The following RPL26L1 variants were observed in gnomAD, a reference collection of about 807,000 sequenced individuals.
RPL26L1 encodes the protein ribosomal protein uL24-like.
Under a neutral mutation model 15.2 loss-of-function variants are expected in RPL26L1, and 8 were observed. The ratio of observed to expected loss-of-function variants is 0.53; its 90% CI spans 0.31 to 0.95. The LOEUF is 0.95. Among genes scored for constraint, RPL26L1 ranks in the 40% least tolerant of loss-of-function variants. RPL26L1 has a pLI of 0.05. For synonymous variants in RPL26L1, 51 were observed against 65.9 expected (o/e 0.77, Z 1.09); for missense variants, 146 against 190.9 (o/e 0.76, Z 1.39).
At chr5:172,955,984 G>A (rs1241757891), upstream of RPL26L1, 3 of 152,360 alleles carry the variant, frequency 2.0e-5, no homozygotes, top group East Asian at 5.8e-4. Context: ...GGGGTGGTCA[G>A]AGCAGGAGGT....
At chr5:172,960,106 A>C in intron 2 of RPL26L1, 65 bp downstream of exon 2, 3 of 1,580,006 alleles carry the variant, frequency 1.9e-6, no homozygotes, top group Non-Finnish European at 2.6e-6. Flanking sequence ...TGCGTGGAGC[A>C]GTCACAGACT....
At chr5:172,958,704 G>A, upstream of RPL26L1, 1 of 243,746 alleles carries the variant, frequency 4.1e-6, no homozygotes, top group Non-Finnish European at 8.8e-6. Flanking sequence ...TGGCGCCCGG[G>A]CCTCCAGGCA....
chr5:172,956,459 G>A (rs1230224375), upstream of RPL26L1, among the ~76,000 whole-genome samples: 1 of 152,152 alleles, frequency 6.6e-6, no homozygotes. Flanking sequence ...CTGTAAAAGG[G>A]ACAATTCATA....
upstream of RPL26L1, among the ~76,000 whole-genome samples, chr5:172,956,209 A>G (rs1448484083): frequency 6.6e-6 from 1 of 152,244 alleles, no homozygotes; most frequent in Non-Finnish European, 1.5e-5. Context: ...CCCACTAATC[A>G]GAGATGATCA....
intron 1 of RPL26L1, 84 bp downstream of exon 1, chr5:172,959,552 AC>A (rs1030024384): frequency 1.7e-5 from 19 of 1,143,244 alleles, no homozygotes; most frequent in Non-Finnish European, 2.1e-5. Context: ...AACACATGTC[AC>A]CCCACAGCTC....
rs1329848865 is a variant in RPL26L1, at chr5:172,959,505, C to T, written c.-10+37C>T. 4.7e-6 allele frequency: 5 copies of T among 1,074,420 alleles called. No individual in the cohort carries two copies. The African/African-American group carries it at 6.5e-5, about 14-fold the overall frequency. 66.6% of individuals were successfully genotyped at this position (1,074,420 alleles called of 1,614,324 possible). On this transcript the variant is annotated intron_variant, in intron 1 of 3. Coordinates refer to ENST00000265100, the MANE Select transcript of RPL26L1 (RefSeq NM_016093.4). Reference sequence around the variant, plus strand: ...CTGGAGTTTTCTCGGACAGTGAACTCTACCGCCCCGTGAGACCCTGCCCTA... The same window carrying T: ...CTGGAGTTTTCTCGGACAGTGAACTTTACCGCCCCGTGAGACCCTGCCCTA...
At chr5:172,964,335 G>GAGTGC (rs1259805253) in intron 2 of RPL26L1, among the ~76,000 whole-genome samples, 37 of 132,526 alleles carry the variant, frequency 2.8e-4, no homozygotes, top group Non-Finnish European at 4.8e-4. Flanking sequence ...GCCCAGGCTG[G>GAGTGC]AGTGCAGTGG....
intron 2 of RPL26L1, among the ~76,000 whole-genome samples, chr5:172,966,921 T>C (rs957159737): frequency 4.0e-5 from 6 of 149,954 alleles, no homozygotes; most frequent in African/African-American, 1.2e-4. Context: ...AGTGGCACCA[T>C]CTCAGCTCAC....
chr5:172,956,327 T>C (rs796089258), upstream of RPL26L1, among the ~76,000 whole-genome samples: 3 of 152,316 alleles, frequency 2.0e-5, no homozygotes, highest in African/African-American at 7.2e-5. Flanking sequence ...CCTAGATTAA[T>C]AAATACGGAT....
chr5:172,954,963 C>G (rs564561343), upstream of RPL26L1: 24 of 435,586 alleles, frequency 5.5e-5, no homozygotes, highest in African/African-American at 5.3e-4. Flanking sequence ...AAATGGCTTC[C>G]CTGGGAAGTT....
Position 172,960,020 on chromosome 5 carries a change from C to T in RPL26L1, c.147C>T (p.Ile49=). ...RQKYNVRSMP[I]RKDDEVQVVR... is the part of the protein sequence containing the mutation. ...AGTACAATGTCCGCTCCATGCCCAT[C>T]CGCAAGGACGACGAGGTCCAGGTAC... Residue 49 remains isoleucine, a synonymous_variant, in exon 2 of 4, where the codon ATC becomes ATT. Coordinates refer to ENST00000265100, the MANE Select transcript of RPL26L1 (RefSeq NM_016093.4). The T allele has an allele frequency of 6.2e-7, 1 of 1,614,164 alleles. No homozygotes were observed. The highest frequency in any genetic ancestry group is 8.5e-7 in the Non-Finnish European group (1 of 1,180,014).
chr5:172,967,671 TCCTG>T (rs944803307), intron 2 of RPL26L1, among the ~76,000 whole-genome samples: 2 of 151,968 alleles, frequency 1.3e-5, no homozygotes, highest in Non-Finnish European at 2.9e-5. Context: ...TAATCCTGCT[TCCTG>T]CCTAATGGCA....
upstream of RPL26L1, chr5:172,957,859 C>T (rs946974365): frequency 5.4e-5 from 9 of 167,430 alleles, no homozygotes; most frequent in Non-Finnish European, 9.2e-5. Context: ...GCTGATACTG[C>T]CTTAACTGCT....
chr5:172,958,095 T>C, upstream of RPL26L1: 2 of 298,866 alleles, frequency 6.7e-6, no homozygotes, highest in Non-Finnish European at 1.4e-5. Context: ...AGAAACCCCG[T>C]CTCTACTAAA....
intron 3 of RPL26L1, 77 bp from the exon 4 acceptor site, chr5:172,969,336 C>A: frequency 6.8e-7 from 1 of 1,478,510 alleles, no homozygotes; most frequent in Non-Finnish European, 9.3e-7. Context: ...TGAGGTCTTA[C>A]TTAACTTATG....
chr5:172,968,573 G>A lies in RPL26L1; in HGVS notation c.283G>A (p.Val95Ile). Reference sequence around the variant, plus strand: ...GCGTGAGAAGGCCAACGGCACAACTGTCCACGTGGGCATTCACCCAAGCAA... The same window carrying A: ...GCGTGAGAAGGCCAACGGCACAACTATCCACGTGGGCATTCACCCAAGCAA... ...VQREKANGTT[V>I]HVGIHPSKVV... is the part of the protein sequence containing the mutation. Residue 95 changes from valine to isoleucine, a missense_variant, in exon 3 of 4, where the codon GTC (valine) becomes ATC (isoleucine). Val to Ile is a conservative substitution (Grantham distance 29, BLOSUM62 3). Coordinates refer to ENST00000265100, the MANE Select transcript of RPL26L1 (RefSeq NM_016093.4). 1 of 1,614,042 alleles carries A rather than the reference G, an allele frequency of 6.2e-7. No individual in the cohort carries two copies.
At chr5:172,968,413 C>T in intron 2 of RPL26L1, 46 bp from the exon 3 acceptor site, 2 of 1,602,740 alleles carry the variant, frequency 1.2e-6, no homozygotes, top group South Asian at 1.1e-5. Context: ...TCTTTATGAT[C>T]ATGCACTACA....
At chr5:172,955,129 G>GTTTTTTTTTTTTTTTT, upstream of RPL26L1, 1 of 200,376 alleles carries the variant, frequency 5.0e-6, no homozygotes. Flanking sequence ...GCTGTGGTTA[G>GTTTTTTTTTTTTTTTT]TTTTTTTTTT....
At chr5:172,965,943 C>G (rs1755433427) in intron 2 of RPL26L1, among the ~76,000 whole-genome samples, 1 of 152,158 alleles carries the variant, frequency 6.6e-6, no homozygotes, top group Non-Finnish European at 1.5e-5. Flanking sequence ...CGGGGCTTCC[C>G]CTATGATCTC....
Sources: gnomAD v4.1 joint callset for allele counts (sites outside exome capture counted in the v4.1 genomes callset) on GRCh38, gnomAD v4.1.1 for gene constraint, MANE v1.5 for transcripts, NCBI Gene and HGNC (gene_info 2026-07-23, HGNC 2026-07-21) for gene names.